TET3: variants seen among roughly 807,000 people sequenced by gnomAD.
TET3 encodes tet methylcytosine dioxygenase 3, also known as methylcytosine dioxygenase TET3.
TET3 carries 19 observed loss-of-function variants against 141.4 expected under a neutral mutation model. The observed-to-expected ratio is 0.13, with a 90% CI of 0.09 to 0.20. The LOEUF (loss-of-function observed/expected upper bound fraction) is 0.20, where lower values mean the gene tolerates loss of function less well. Ranked by LOEUF, TET3 falls within the 10% of genes least tolerant of loss-of-function variation. The pLI, the probability that TET3 is intolerant of heterozygous loss-of-function variation, is 1.00. For missense variants in TET3, 1,874 were observed against 2,356.9 expected, an observed-to-expected ratio of 0.80 and a Z score of 4.24; for synonymous variants, 1,043 against 980.9, an observed-to-expected ratio of 1.06 and a Z score of -1.18.
intron 3 of TET3, among the ~76,000 whole-genome samples, chr2:74,011,296 TAC>T (rs1216196194): frequency 6.6e-6 from 1 of 151,874 alleles, no homozygotes; most frequent in Non-Finnish European, 1.5e-5. Flanking sequence ...ATATGCTGTG[TAC>T]AGTTTGGTGA....
At chr2:74,065,426 C>T (rs1688826516) in intron 4 of TET3, among the ~76,000 whole-genome samples, 1 of 152,202 alleles carries the variant, frequency 6.6e-6, no homozygotes, top group South Asian at 2.1e-4. Flanking sequence ...GGACATACCT[C>T]ACCCCAGATC....
chr2:74,047,421 G>A lies in TET3; in HGVS notation c.1504G>A (p.Ala502Thr). 1.2e-6 allele frequency: 2 copies of A among 1,612,682 alleles called. No homozygotes were observed. Among genetic ancestry groups the A allele is most frequent in the Non-Finnish European group, 1.7e-6 (2 of 1,179,738 alleles). ...GGCACCCTCTTCCTCCCCGGCCCCGGCCCCATCCCCTGTACTTCAGAGGGA... is the reference window on the plus strand; with the variant it reads ...GGCACCCTCTTCCTCCCCGGCCCCGACCCCATCCCCTGTACTTCAGAGGGA... ...VEAPSSSPAP[A>T]PSPVLQREAP... Residue 502 changes from alanine to threonine, a missense_variant, in exon 4 of 12, where the codon GCC becomes ACC. Ala to Thr is a moderately conservative substitution (Grantham distance 58, BLOSUM62 0). Transcript: ENST00000409262.
chr2:74,032,500 T>TGTGTGTGTGTGTGTGTGTGTGTGTGTTA (rs1686800010), intron 3 of TET3, among the ~76,000 whole-genome samples: 1 of 62,008 alleles, frequency 1.6e-5, no homozygotes, highest in Non-Finnish European at 3.1e-5. Flanking sequence ...TGTGTGTGTG[T>TGTGTGTGTGTGTGTGTGTGTGTGTGTTA]GTGTGTGTTA....
At chr2:74,015,386 T>G (rs1301645269) in intron 3 of TET3, among the ~76,000 whole-genome samples, 1 of 152,212 alleles carries the variant, frequency 6.6e-6, no homozygotes. Context: ...GAATCCCTAT[T>G]TCTTCTCCAT....
In TET3 at chr2:74,047,747, G is replaced by A. The variant is rs749202087; in HGVS notation, c.1830G>A (p.Lys610=). ...KPSVRKPIQI[K]KSRPREAQPL... ...GTGTCCGAAAGCCCATTCAGATCAA[G>A]AAGTCCAGGCCCCGGGAAGCACAGC... is the stretch of plus-strand genomic sequence containing the variant. Residue 610 remains lysine (K), a synonymous_variant, in exon 4 of 12, where the codon AAG becomes AAA. Transcript: ENST00000409262. 6.2e-7 allele frequency: 1 copy of A among 1,613,752 alleles called. No individual in the cohort carries two copies. The highest frequency in any genetic ancestry group is 1.1e-5 in the South Asian group (1 of 91,030).
intron 4 of TET3, among the ~76,000 whole-genome samples, chr2:74,059,583 A>G (rs1688393843): frequency 6.6e-6 from 1 of 151,650 alleles, no homozygotes; most frequent in South Asian, 2.1e-4. Context: ...GAGACAGGAT[A>G]TCACTGTTGT....
At chr2:74,109,080 A>T (rs1459845513), downstream of TET3, among the ~76,000 whole-genome samples, 1 of 152,192 alleles carries the variant, frequency 6.6e-6, no homozygotes, top group Non-Finnish European at 1.5e-5. Flanking sequence ...GTGTTTTGTA[A>T]CCTGCTTTCC....
At chr2:74,038,548 C>A (rs1051544484) in intron 3 of TET3, among the ~76,000 whole-genome samples, 40 of 152,102 alleles carry the variant, frequency 2.6e-4, no homozygotes, top group Admixed American at 2.6e-3. Flanking sequence ...CTCTGGAGGC[C>A]CCTGTAGCCT....
Position 73,986,110 on chromosome 2 carries a change from A to G in TET3, c.-294A>G, listed in dbSNP as rs767549276. 4 of 273,418 alleles carry G rather than the reference A, an allele frequency of 1.5e-5. No individual in the cohort carries two copies. Among genetic ancestry groups the G allele is most frequent in the African/African-American group, 2.2e-5 (1 of 45,854 alleles). The allele number at this position is 273,418 out of a possible 1,614,324, so 16.9% of individuals were successfully genotyped here. A position where few individuals can be genotyped will look rare whatever the true frequency, so the allele number is the denominator to read the frequency against. On this transcript the variant is annotated 5_prime_UTR_variant, in exon 2 of 12. Transcript: ENST00000409262. ...GGGTCCAGGGTGGGTGAGGGTGAAG[A>G]ACCCACCGGGCCAAGATGATCCCTT...
chr2:74,047,038 CT>C lies in TET3; in HGVS notation c.1122del (p.His375IlefsTer166), dbSNP rs779046885. ...CTCTCCTCTGCCCTCCCGCAGCCTT[CT>C]CATTCCACCCCCCAGGCTTCTTGCC... ...TQLSSALPQP[S>X]HSTPQASCPL... On this transcript the variant is annotated frameshift_variant, in exon 4 of 12. Transcript: ENST00000409262. LOFTEE classifies it high-confidence loss of function. The C allele has an allele frequency of 4.4e-5, 71 of 1,614,034 alleles. No homozygotes were observed. Among genetic ancestry groups the C allele is most frequent in the Non-Finnish European group, 1.4e-5 (16 of 1,179,882 alleles).
At position 74,046,760 on chromosome 2, in the gene TET3, C is replaced by T. The variant is rs747138637; in HGVS notation, c.843C>T (p.Asp281=). The change falls in exon 4 of 12, where the codon GAC becomes GAT. Residue 281 remains aspartate, a synonymous_variant. Transcript: ENST00000409262. The surrounding 1 kb of genome is among the most constrained non-coding windows in gnomAD (Gnocchi z 4.3). The part of the protein sequence containing the change: ...NCNCDGPECP[D]YLEWLEGKIK... ...ACTGCGATGGCCCAGAATGCCCTGA[C>T]TACCTCGAGTGGCTGGAGGGGAAGA... The T allele has an allele frequency of 6.2e-7, 1 of 1,613,840 alleles. No individual in the cohort carries two copies. Among genetic ancestry groups the T allele is most frequent in the South Asian group, 1.1e-5 (1 of 91,090 alleles).
At chr2:74,049,940 C>G (rs1258641687) in intron 4 of TET3, among the ~76,000 whole-genome samples, 1 of 152,102 alleles carries the variant, frequency 6.6e-6, no homozygotes, top group Non-Finnish European at 1.5e-5. Context: ...CTAGTAACGA[C>G]ATGACTTCGA....
intron 3 of TET3, among the ~76,000 whole-genome samples, chr2:74,039,385 A>G (rs1238874353): frequency 6.6e-6 from 1 of 152,212 alleles, no homozygotes; most frequent in East Asian, 1.9e-4. Flanking sequence ...AGATAGCTGT[A>G]TATACTGAGC....
chr2:74,108,398 T>C (rs1320559181), downstream of TET3, among the ~76,000 whole-genome samples: 1 of 152,236 alleles, frequency 6.6e-6, no homozygotes, highest in Non-Finnish European at 1.5e-5. Context: ...AAAATAGAGA[T>C]GGCCTTTTTC....
At chr2:74,100,283 A>C in intron 11 of TET3, 110 bp from the exon 12 acceptor site, 1 of 1,211,492 alleles carries the variant, frequency 8.3e-7, no homozygotes, top group South Asian at 1.5e-5. Flanking sequence ...GTCCCAAAAG[A>C]GGAAACATCC....
intron 4 of TET3, among the ~76,000 whole-genome samples, chr2:74,064,004 A>C (rs1688744465): frequency 6.6e-6 from 1 of 152,256 alleles, no homozygotes. Flanking sequence ...TCTAAGTAAG[A>C]AAGCCAGGAT....
intron 4 of TET3, among the ~76,000 whole-genome samples, chr2:74,051,896 G>T (rs1687963426): frequency 6.6e-6 from 1 of 152,228 alleles, no homozygotes; most frequent in Non-Finnish European, 1.5e-5. Context: ...AACAATGGTA[G>T]TAGAATGAAG....
In TET3 at chr2:74,048,404, T is replaced by C; in HGVS notation, c.2487T>C (p.Asp829=). 6.2e-7 allele frequency: 1 copy of C among 1,606,798 alleles called. No individual in the cohort carries two copies. The highest frequency in any genetic ancestry group is 2.2e-5 in the East Asian group (1 of 44,764). Reference sequence around the variant, plus strand: ...CCCAGGCCGAGTTCCCCACCTGCGATTGCGTCGGTAAGTCCGCCTGGGTAT... The same window carrying C: ...CCCAGGCCGAGTTCCCCACCTGCGACTGCGTCGGTAAGTCCGCCTGGGTAT... ...KRAQAEFPTC[D]CVEQIVEKDE... The change falls in exon 4 of 12, where the codon GAT becomes GAC. Residue 829 remains aspartate, a synonymous_variant. Transcript: ENST00000409262.
intron 4 of TET3, among the ~76,000 whole-genome samples, chr2:74,057,081 G>C (rs948368985): frequency 6.6e-6 from 1 of 152,316 alleles, no homozygotes; most frequent in Admixed American, 6.5e-5. Context: ...GGAGAGATGG[G>C]AAATCATATC....
Sources: allele counts gnomAD v4.1 joint callset (sites outside exome capture counted in the v4.1 genomes callset), GRCh38; gene constraint gnomAD v4.1.1; non-coding constraint Gnocchi (gnomAD v3.1); transcripts MANE v1.5; gene names NCBI Gene and HGNC (gene_info 2026-07-23, HGNC 2026-07-21).